CCDC102B: variants seen among roughly 807,000 people sequenced by gnomAD.
CCDC102B encodes the protein coiled-coil domain containing 102B.
CCDC102B carries 75 observed loss-of-function variants against 57.4 expected under a neutral mutation model. The ratio of observed to expected loss-of-function variants is 1.31; its 90% CI spans 1.08 to 1.58. The LOEUF (loss-of-function observed/expected upper bound fraction) is 1.58. CCDC102B is among the 40% of genes most tolerant of loss of function. The pLI is 0.00. For missense variants in CCDC102B, 636 were observed against 582.6 expected (o/e 1.09, Z -0.94); for synonymous variants, 206 against 201.9 (o/e 1.02, Z -0.17).
At chr18:68,951,303 G>A (rs918740707) in intron 6 of CCDC102B, among the ~76,000 whole-genome samples, 3 of 152,114 alleles carry the variant, frequency 2.0e-5, no homozygotes, top group African/African-American at 7.2e-5. Context: ...AAGATTCCGA[G>A]TCCATCTCAA....
At chr18:69,011,260 G>T in intron 7 of CCDC102B, 156 bp downstream of exon 7, 1 of 692,480 alleles carries the variant, frequency 1.4e-6, no homozygotes, top group African/African-American at 1.8e-5. Context: ...AAGGAAATAA[G>T]ATTACACAGA....
chr18:69,056,152 A>G (rs1336982771), downstream of CCDC102B, among the ~76,000 whole-genome samples: 1 of 152,142 alleles, frequency 6.6e-6, no homozygotes, highest in Non-Finnish European at 1.5e-5. Context: ...ATGAAAGAAC[A>G]TACTGGAAGA....
intron 6 of CCDC102B, among the ~76,000 whole-genome samples, chr18:68,917,044 T>C (rs1010797350): frequency 6.6e-6 from 1 of 152,084 alleles, no homozygotes; most frequent in African/African-American, 2.4e-5. Flanking sequence ...GAAATAACGA[T>C]TTTGCCTGGA....
intron 6 of CCDC102B, among the ~76,000 whole-genome samples, chr18:68,985,041 G>T (rs1031667721): frequency 2.0e-5 from 3 of 152,038 alleles, no homozygotes; most frequent in Non-Finnish European, 4.4e-5. Context: ...TGGTTCTATA[G>T]CTAAGTTTTA....
rs2038225812 is a variant in CCDC102B, at chr18:68,853,467, T to A, written c.936+7046T>A. On this transcript the variant is annotated intron_variant, in intron 4 of 7. Coordinates refer to ENST00000360242, the MANE Select transcript of CCDC102B (RefSeq NM_024781.3). ...TACTATATCGCTCTCATACTAAAAG[T>A]TGATTAGAGTATATAAAGCCAAAAA... is the stretch of plus-strand genomic sequence containing the variant. 2.6e-5 allele frequency among the ~76,000 whole-genome samples: 4 copies of A among 151,972 alleles called. 1 individual carries two copies. In the South Asian group the frequency reaches 8.3e-4, roughly 32 times the overall value.
chr18:68,835,948 A>C (rs772550278), intron 1 of CCDC102B, among the ~76,000 whole-genome samples: 1 of 152,190 alleles, frequency 6.6e-6, no homozygotes, highest in Non-Finnish European at 1.5e-5. Context: ...GTCAATAGTC[A>C]ACAGATGAAG....
chr18:68,958,038 A>G (rs560594516), intron 6 of CCDC102B, among the ~76,000 whole-genome samples: 14 of 152,290 alleles, frequency 9.2e-5, no homozygotes, highest in Non-Finnish European at 1.8e-4. Context: ...CAATCATGGC[A>G]GAAGGTGAAA....
At chr18:68,888,637 GT>G (rs1568312549) in intron 5 of CCDC102B, among the ~76,000 whole-genome samples, 1 of 152,094 alleles carries the variant, frequency 6.6e-6, no homozygotes, top group African/African-American at 2.4e-5. Flanking sequence ...AATCATCAGG[GT>G]TGAGAACCAC....
chr18:68,722,343 A>C (rs896597595), intron 2 of CCDC102B, among the ~76,000 whole-genome samples: 1 of 152,238 alleles, frequency 6.6e-6, no homozygotes, highest in Non-Finnish European at 1.5e-5. Flanking sequence ...AATGCTGATG[A>C]TACAGACATT....
intron 2 of CCDC102B, among the ~76,000 whole-genome samples, chr18:68,736,587 G>A (rs1480006201): frequency 6.6e-6 from 1 of 152,056 alleles, no homozygotes; most frequent in East Asian, 1.9e-4. Flanking sequence ...TGTTTGTGCT[G>A]TGTTTTCTTT....
intron 5 of CCDC102B, among the ~76,000 whole-genome samples, chr18:68,888,398 G>A (rs1423845247): frequency 6.6e-6 from 1 of 152,152 alleles, no homozygotes; most frequent in Non-Finnish European, 1.5e-5. Context: ...TGGTCTAATT[G>A]ATTGTTAATG....
At chr18:68,857,108 T>C (rs1381755410) in intron 4 of CCDC102B, among the ~76,000 whole-genome samples, 3 of 63,242 alleles carry the variant, frequency 4.7e-5, no homozygotes, top group African/African-American at 6.5e-5. Flanking sequence ...TTATATATTA[T>C]ATATAAATAT....
At chr18:68,838,475 GC>G (rs2037482608) in intron 2 of CCDC102B, 1 of 985,088 alleles carries the variant, frequency 1.0e-6, no homozygotes, top group East Asian at 1.1e-4. Context: ...AAGAGTTAAA[GC>G]AGAACTTTTG....
intron 6 of CCDC102B, among the ~76,000 whole-genome samples, chr18:68,909,242 A>G (rs919058285): frequency 2.0e-5 from 3 of 152,204 alleles, no homozygotes; most frequent in African/African-American, 7.2e-5. Flanking sequence ...ATGTAAGGCA[A>G]TTAGTTGTAG....
intron 6 of CCDC102B, among the ~76,000 whole-genome samples, chr18:68,995,375 C>T (rs370534188): frequency 4.4e-4 from 67 of 152,232 alleles, no homozygotes; most frequent in African/African-American, 1.5e-3. Context: ...ATGTCAGAGA[C>T]CTTCAAAGCA....
At chr18:68,858,494 C>G (rs991844884) in intron 4 of CCDC102B, among the ~76,000 whole-genome samples, 1 of 152,084 alleles carries the variant, frequency 6.6e-6, no homozygotes. Context: ...ACTTCCCCTC[C>G]TCTTTGCCAG....
At chr18:68,857,771 C>A (rs2038546754) in intron 4 of CCDC102B, among the ~76,000 whole-genome samples, 1 of 152,050 alleles carries the variant, frequency 6.6e-6, no homozygotes, top group South Asian at 2.1e-4. Context: ...TGAATGGCTT[C>A]AGAATGTTTC....
chr18:68,874,797 G>C lies in CCDC102B; in HGVS notation c.1053+12G>C. 7.0e-7 allele frequency: 1 copy of C among 1,425,200 alleles called. No individual in the cohort carries two copies. Among genetic ancestry groups the C allele is most frequent in the Non-Finnish European group, 9.9e-7 (1 of 1,009,788 alleles). 88.3% of individuals were successfully genotyped at this position (1,425,200 alleles called of 1,614,324 possible). ...AGTTAAGAGCAGAGGTAAGACACTG[G>C]GTAAAGAGTACCATATATATTAAAA... On this transcript the variant is annotated intron_variant, in intron 5 of 7. Transcript: ENST00000360242.
At chr18:68,871,357 CT>C (rs1219026637) in intron 4 of CCDC102B, among the ~76,000 whole-genome samples, 1 of 152,204 alleles carries the variant, frequency 6.6e-6, no homozygotes, top group East Asian at 1.9e-4. Context: ...CATAATTCCA[CT>C]AAATTAATCA....
Sources: gnomAD v4.1 joint callset for allele counts (sites outside exome capture counted in the v4.1 genomes callset) on GRCh38, gnomAD v4.1.1 for gene constraint, MANE v1.5 for transcripts, NCBI Gene and HGNC (gene_info 2026-07-23, HGNC 2026-07-21) for gene names.